ST7L: variants seen among roughly 807,000 people sequenced by gnomAD.
The protein encoded by ST7L is suppression of tumorigenicity 7 like.
ST7L carries 57 observed loss-of-function variants against 72.5 expected under a neutral mutation model. The ratio of observed to expected loss-of-function variants is 0.79; its 90% CI spans 0.64 to 0.98. ST7L has a LOEUF of 0.98. ST7L is among the 50% of genes least tolerant of loss of function. The pLI is 0.00. For synonymous variants in ST7L, 221 were observed against 240.9 expected (o/e 0.92, Z 0.77); for missense variants, 576 against 672.2 (o/e 0.86, Z 1.58).
chr1:112,568,283 G>T (rs1202566097), intron 11 of ST7L, among the ~76,000 whole-genome samples: 1 of 151,200 alleles, frequency 6.6e-6, no homozygotes, highest in Non-Finnish European at 1.5e-5. Flanking sequence ...ATTCACAATG[G>T]TTCTGGATCA....
chr1:112,598,148 A>T, intron 4 of ST7L, 62 bp from the exon 5 acceptor site: 1 of 1,190,468 alleles, frequency 8.4e-7, no homozygotes. Context: ...CTGCTATAAC[A>T]GACACTACTT....
intron 12 of ST7L, among the ~76,000 whole-genome samples, chr1:112,555,225 A>G (rs1459773683): frequency 1.8e-5 from 2 of 112,150 alleles, no homozygotes; most frequent in African/African-American, 6.9e-5. Context: ...AAACAAAACA[A>G]AAAGACCAAT....
intron 14 of ST7L, chr1:112,541,738 T>C: frequency 8.4e-7 from 1 of 1,183,816 alleles, no homozygotes; most frequent in Non-Finnish European, 1.1e-6. Context: ...TACAATCTTA[T>C]ATTGTATTCT....
chr1:112,518,315 C>G, the ST7L span: 2 of 152,146 alleles, frequency 1.3e-5, no homozygotes, highest in African/African-American at 2.4e-5. Flanking sequence ...GTGGGGCTCC[C>G]AGGCTCTTTT....
At position 112,610,871 on chromosome 1, in the gene ST7L, C is replaced by T; in HGVS notation, c.421G>A (p.Glu141Lys). Reference sequence around the variant, plus strand: ...AAATTCTGTCTGCTGGTTTCATTTTCTCTGTTCCTCGAAGGAGAACCTGGT... The same window carrying T: ...AAATTCTGTCTGCTGGTTTCATTTTTTCTGTTCCTCGAAGGAGAACCTGGT... Reference protein sequence around the residue: ...SEPGSPSRNRENETSRQNLSE... With the variant: ...SEPGSPSRNRKNETSRQNLSE... Residue 141 changes from glutamate (E) to lysine (K), a missense_variant, in exon 3 of 15, where the codon GAA becomes AAA. Around this residue, in one of 3 missense-constraint regions of ST7L, gnomAD observed 511 missense variants for 600.7 expected, o/e 0.85. Coordinates refer to ENST00000358039, the MANE Select transcript of ST7L (RefSeq NM_017744.5). 3.1e-6 allele frequency: 5 copies of T among 1,614,048 alleles called. No individual in the cohort carries two copies. The highest frequency in any genetic ancestry group is 4.2e-6 in the Non-Finnish European group (5 of 1,179,994).
intron 13 of ST7L, among the ~76,000 whole-genome samples, chr1:112,547,651 C>T (rs1271357992): frequency 2.7e-5 from 4 of 149,554 alleles, no homozygotes; most frequent in African/African-American, 9.9e-5. Context: ...CAACCTCCGC[C>T]TCCCAGGTTC....
chr1:112,618,534 G>A (rs948530317), intron 1 of ST7L, among the ~76,000 whole-genome samples: 1 of 152,168 alleles, frequency 6.6e-6, no homozygotes, highest in African/African-American at 2.4e-5. Flanking sequence ...GCTGGGCAGC[G>A]GGAGACTCAA....
At chr1:112,570,570 T>TATATATATACACACACAC (rs1183877129) in intron 11 of ST7L, among the ~76,000 whole-genome samples, 1 of 143,418 alleles carries the variant, frequency 7.0e-6, no homozygotes, top group African/African-American at 2.6e-5. Context: ...TATATATATA[T>TATATATATACACACACAC]ACACACACAC....
chr1:112,555,375 C>T (rs955384684), intron 12 of ST7L, among the ~76,000 whole-genome samples: 7 of 151,956 alleles, frequency 4.6e-5, no homozygotes, highest in Non-Finnish European at 1.0e-4. Context: ...ACCATCCTGG[C>T]TAACACGAGG....
Position 112,582,109 on chromosome 1 carries a change from G to A in ST7L, c.955-3C>T, listed in dbSNP as rs1262066550. On this transcript the variant is annotated splice_polypyrimidine_tract_variant and splice_region_variant and intron_variant, in intron 8 of 14. Transcript: ENST00000358039. ...AGAGGAGGAAATTCTTTCATCAACT[G>A]TATATTAAAAGGAAAAGAAAGATTA... The A allele has an allele frequency of 1.3e-6, 2 of 1,571,848 alleles. No homozygotes were observed. Among genetic ancestry groups the A allele is most frequent in the Admixed American group, 3.4e-5 (2 of 59,578 alleles).
chr1:112,617,997 A>G, intron 1 of ST7L: 1 of 1,303,900 alleles, frequency 7.7e-7, no homozygotes, highest in South Asian at 1.2e-5. Flanking sequence ...ATTTCCGAAC[A>G]TTAACTCACA....
chr1:112,619,167 G>T (rs775583544), upstream of ST7L: 130 of 1,563,452 alleles, frequency 8.3e-5, no homozygotes, highest in Non-Finnish European at 1.1e-4. Flanking sequence ...CAGGAAACCG[G>T]GAGTCGGGAA....
chr1:112,591,439 T>C, intron 6 of ST7L, 86 bp downstream of exon 6: 1 of 1,133,994 alleles, frequency 8.8e-7, no homozygotes, highest in Non-Finnish European at 1.3e-6. Flanking sequence ...ACTCCAAGTG[T>C]CTTAGGAACA....
At chr1:112,578,267 G>T in intron 10 of ST7L, 78 bp downstream of exon 10, 1 of 1,342,102 alleles carries the variant, frequency 7.5e-7, no homozygotes, top group Non-Finnish European at 1.1e-6. Flanking sequence ...AAACAGCATT[G>T]TTTAAAGTCA....
chr1:112,581,611 C>A (rs1183577246), intron 9 of ST7L, among the ~76,000 whole-genome samples: 1 of 151,968 alleles, frequency 6.6e-6, no homozygotes, highest in East Asian at 1.9e-4. Context: ...TGCCATGTTG[C>A]CCATGCTGGT....
chr1:112,550,725 A>G (rs1557963892), intron 12 of ST7L, 32 bp from the exon 13 acceptor site: 2 of 1,532,196 alleles, frequency 1.3e-6, no homozygotes, highest in Middle Eastern at 1.7e-4. Context: ...TTGATACTCA[A>G]TTCTGTCTCA....
At chr1:112,611,713 C>T (rs1393794879) in intron 2 of ST7L, among the ~76,000 whole-genome samples, 1 of 152,022 alleles carries the variant, frequency 6.6e-6, no homozygotes, top group Non-Finnish European at 1.5e-5. Context: ...GCCAAGAAGT[C>T]CCAAAAGAGG....
chr1:112,530,467 T>G (rs549836590), intron 14 of ST7L, among the ~76,000 whole-genome samples: 2 of 152,306 alleles, frequency 1.3e-5, no homozygotes, highest in South Asian at 4.1e-4. Flanking sequence ...AGGGCTGGAG[T>G]GCAGTGGCGT....
chr1:112,520,339 GA>G, downstream of ST7L: 1 of 1,614,192 alleles, frequency 6.2e-7, no homozygotes, highest in Non-Finnish European at 8.5e-7. Flanking sequence ...AGACGGTTGT[GA>G]AATCATGTGC....
Sources: allele counts gnomAD v4.1 joint callset (sites outside exome capture counted in the v4.1 genomes callset), GRCh38; gene constraint gnomAD v4.1.1; regional missense constraint gnomAD v4.1.1; transcripts MANE v1.5; gene names NCBI Gene and HGNC (gene_info 2026-07-23, HGNC 2026-07-21).